The following MED16 variants were observed in gnomAD, a reference collection of about 807,000 sequenced individuals.
The protein encoded by MED16 is mediator complex subunit 16, also known as mediator of RNA polymerase II transcription subunit 16.
Under a neutral mutation model 84.4 loss-of-function variants are expected in MED16, and 81 were observed. The ratio of observed to expected loss-of-function variants is 0.96; its 90% CI spans 0.80 to 1.15. MED16 has a LOEUF of 1.15. MED16 is among the 50% of genes most tolerant of loss of function. The pLI, the probability that MED16 is intolerant of heterozygous loss-of-function variation, is 0.00. For missense variants in MED16, 1,585 were observed against 1,245.9 expected (o/e 1.27, Z -4.10); for synonymous variants, 897 against 552.2 (o/e 1.62, Z -8.76).
chr19:879,437 CACG>C (rs1334538143), intron 8 of MED16, among the ~76,000 whole-genome samples: 61 of 68,150 alleles, frequency 9.0e-4, no homozygotes, highest in Admixed American at 1.3e-3. Flanking sequence ...ACCCCAGCCC[CACG>C]TGCCCCAGCA....
intron 4 of MED16, among the ~76,000 whole-genome samples, chr19:887,186 T>TA (rs145239515): frequency 0.02 from 2,935 of 150,262 alleles, 71 homozygotes; most frequent in African/African-American, 0.063. Flanking sequence ...AGTTACAAGT[T>TA]AAAAAAAAAC....
chr19:877,669 C>T (rs1224245784), intron 8 of MED16, among the ~76,000 whole-genome samples: 2 of 147,430 alleles, frequency 1.4e-5, no homozygotes, highest in Non-Finnish European at 3.0e-5. Context: ...CCCAGACCCA[C>T]GTGCCCCAGC....
At chr19:881,506 A>C (rs760348619) in intron 7 of MED16, 53 bp downstream of exon 7, 1 of 1,563,114 alleles carries the variant, frequency 6.4e-7, no homozygotes, top group South Asian at 1.2e-5. Context: ...TCAGGGCCCA[A>C]CTCCCCTGGT....
rs556075367 is a variant in MED16, at chr19:868,079, G to C, written c.*22C>G. 18 of 1,591,734 alleles carry C rather than the reference G, an allele frequency of 1.1e-5. No individual in the cohort carries two copies. Among genetic ancestry groups the C allele is most frequent in the Non-Finnish European group, 1.3e-5 (15 of 1,172,660 alleles). On this transcript the variant is annotated 3_prime_UTR_variant, in exon 16 of 16. Transcript: ENST00000325464. ...AGACGCCCGAGCCGGGTCACCACAA[G>C]GTCCGCCTGGACCCCCGGCCGTCAC... is the stretch of plus-strand genomic sequence containing the variant.
chr19:880,201 C>T lies in MED16; in HGVS notation c.1142-53G>A, dbSNP rs970856168. 2.7e-5 allele frequency: 40 copies of T among 1,502,996 alleles called. No individual in the cohort carries two copies. In the East Asian group the frequency reaches 5.3e-4, roughly 20 times the overall value. 93.1% of individuals were successfully genotyped at this position (1,502,996 alleles called of 1,614,324 possible). On this transcript the variant is annotated intron_variant, in intron 7 of 15. Transcript: ENST00000325464. The stretch of plus-strand genomic sequence containing the variant: ...TGGGCAGGGCCCAGGACACGCCCGC[C>T]GGGGGAGGGGCCTCCTGCTCTGCAG...
rs1568320874 is a variant in MED16, at chr19:872,933, G to GAGGGCTCCGAGGTGGGGC, written c.1905+515_1905+516insGCCCCACCTCGGAGCCCT. 8 of 1,025,558 alleles carry GAGGGCTCCGAGGTGGGGC rather than the reference G, an allele frequency of 7.8e-6. No homozygotes were observed. The African/African-American group carries it at 1.3e-4, about 17-fold the overall frequency. 63.5% of individuals were successfully genotyped at this position (1,025,558 alleles called of 1,614,324 possible). A position where few individuals can be genotyped will look rare whatever the true frequency, so the allele number is the denominator to read the frequency against. On this transcript the variant is annotated intron_variant, in intron 11 of 15. Coordinates refer to ENST00000325464, the MANE Select transcript of MED16 (RefSeq NM_005481.3). ...CTTACAGCAGAGGCTTCATGGAGAG[G>GAGGGCTCCGAGGTGGGGC]AGGGCTCCGAGGTGGGGGAGGGCTC...
At chr19:870,028 G>A (rs1430927460) in intron 13 of MED16, among the ~76,000 whole-genome samples, 1 of 152,178 alleles carries the variant, frequency 6.6e-6, no homozygotes, top group Non-Finnish European at 1.5e-5. Flanking sequence ...CACTTGGGTT[G>A]CCCAAACCCC....
At chr19:890,824 A>G (rs2036617141) in intron 2 of MED16, 139 bp downstream of exon 2, 2 of 932,730 alleles carry the variant, frequency 2.1e-6, no homozygotes, top group Middle Eastern at 3.3e-4. Context: ...AGGCTCTCAC[A>G]CAAGTTACAG....
At chr19:883,830 A>C (rs1419336301) in intron 6 of MED16, among the ~76,000 whole-genome samples, 2 of 152,130 alleles carry the variant, frequency 1.3e-5, no homozygotes, top group Non-Finnish European at 2.9e-5. Context: ...GTGACTCACC[A>C]CGAGGCCCAG....
At chr19:873,956 C>T (rs776453467) in intron 10 of MED16, among the ~76,000 whole-genome samples, 13 of 152,172 alleles carry the variant, frequency 8.5e-5, no homozygotes, top group Admixed American at 2.0e-4. Context: ...GCTGCAGCCA[C>T]CCCCGGCTGG....
At position 871,272 on chromosome 19, in the gene MED16, G is replaced by T; in HGVS notation, c.2099-19C>A. The T allele has an allele frequency of 6.6e-7, 1 of 1,525,194 alleles. No individual in the cohort carries two copies. The allele number at this position is 1,525,194 out of a possible 1,614,324, so 94.5% of individuals were successfully genotyped here. A position where few individuals can be genotyped will look rare whatever the true frequency, so the allele number is the denominator to read the frequency against. ...TCGCGACCTGCGGAGAGAGGTGGCG[G>T]AAGTCTCAGCACCCCTGACTGGGGC... On this transcript the variant is annotated intron_variant, in intron 12 of 15. Coordinates refer to ENST00000325464, the MANE Select transcript of MED16 (RefSeq NM_005481.3).
In MED16 at chr19:885,025, G is replaced by A. The variant is rs1422412983; in HGVS notation, c.880-17C>T. 25 of 1,572,594 alleles carry A rather than the reference G, an allele frequency of 1.6e-5. No homozygotes were observed. The highest frequency in any genetic ancestry group is 1.7e-4 in the Middle Eastern group (1 of 6,024). On this transcript the variant is annotated splice_polypyrimidine_tract_variant and intron_variant, in intron 5 of 15. Coordinates refer to ENST00000325464, the MANE Select transcript of MED16 (RefSeq NM_005481.3). ...CAAAAGCACCTGCGGGGGAGGTGGG[G>A]GTGAGGGCTGACCCGGCACTGCTGT...
intron 6 of MED16, among the ~76,000 whole-genome samples, chr19:884,322 G>T (rs992056892): frequency 6.6e-6 from 1 of 152,168 alleles, no homozygotes; most frequent in South Asian, 2.1e-4. Context: ...ATTTTGTGCC[G>T]GAGGTGGGGA....
intron 8 of MED16, among the ~76,000 whole-genome samples, chr19:877,517 G>A (rs1001251790): frequency 1.5e-5 from 2 of 129,102 alleles, no homozygotes; most frequent in East Asian, 3.9e-4. Context: ...CGTGCTGTGA[G>A]CCACCCCACT....
At chr19:890,318 TC>T in intron 2 of MED16, 74 bp from the exon 3 acceptor site, 1 of 1,092,166 alleles carries the variant, frequency 9.2e-7, no homozygotes, top group South Asian at 1.6e-5. Flanking sequence ...CCAGGCAGGC[TC>T]CAGGTAAGCC....
In MED16 at chr19:890,192, G is replaced by C. The variant is rs182721826; in HGVS notation, c.222C>G (p.His74Gln). The C allele has an allele frequency of 1.3e-6, 2 of 1,554,962 alleles. No individual in the cohort carries two copies. The highest frequency in any genetic ancestry group is 1.7e-6 in the Non-Finnish European group (2 of 1,149,178). ...CCTCGTGGTGCTCTGAGGGGATCGA[G>C]TGCAGGTCCCAGGGGTGCTCCGTGT... ...ILDTEHPWDL[H>Q]SIPSEHHEAI... The change falls in exon 3 of 16, where the codon CAC becomes CAG. Residue 74 changes from histidine to glutamine, a missense_variant. His to Gln is a conservative substitution (Grantham distance 24). Transcript: ENST00000325464.
At chr19:877,774 A>AGCCCCAGCCCCAGCCCCAGCCCCACGT (rs2036289538) in intron 8 of MED16, among the ~76,000 whole-genome samples, 1 of 52,516 alleles carries the variant, frequency 1.9e-5, no homozygotes, top group South Asian at 5.7e-4. Context: ...CACCAGCCCC[A>AGCCCCAGCCCCAGCCCCAGCCCCACGT]GCCCCAGCCC....
chr19:883,041 T>C (rs966637526), intron 6 of MED16, among the ~76,000 whole-genome samples: 20 of 152,300 alleles, frequency 1.3e-4, no homozygotes, highest in African/African-American at 4.8e-4. Flanking sequence ...GGGAGGCAGC[T>C]GCCATGACGA....
intron 4 of MED16, among the ~76,000 whole-genome samples, chr19:889,051 T>TA (rs1555718710): frequency 8.9e-5 from 8 of 90,188 alleles, no homozygotes; most frequent in Non-Finnish European, 1.6e-4. Flanking sequence ...CTCTTAACTG[T>TA]CCCCCCCAAC....
Sources: gnomAD v4.1 joint callset for allele counts (sites outside exome capture counted in the v4.1 genomes callset) on GRCh38, gnomAD v4.1.1 for gene constraint, MANE v1.5 for transcripts, NCBI Gene and HGNC (gene_info 2026-07-23, HGNC 2026-07-21) for gene names.